Variants in UGT2A2 observed in about 807,000 individuals in gnomAD.
UGT2A2 encodes UDP glucuronosyltransferase family 2 member A2.
Under a neutral mutation model 50.7 loss-of-function variants are expected in UGT2A2, and 60 were observed. That is an observed-to-expected ratio of 1.18 (90% CI 0.96 to 1.47). The LOEUF (loss-of-function observed/expected upper bound fraction) is 1.47, where lower values mean the gene tolerates loss of function less well. UGT2A2 is among the 40% of genes most tolerant of loss of function. The probability of loss-of-function intolerance (pLI) is 0.00; values close to 1 mark genes in which losing one functional copy is unlikely to be tolerated. For synonymous variants in UGT2A2, 242 were observed against 214.6 expected, an observed-to-expected ratio of 1.13 and a Z score of -1.11; for missense variants, 762 against 634.0, an observed-to-expected ratio of 1.20 and a Z score of -2.17.
rs139303872 is a variant in UGT2A2, at chr4:69,589,587, G to A, written c.1396C>T (p.Arg466Ter). 303 of 1,613,938 alleles carry A rather than the reference G, an allele frequency of 1.9e-4. No homozygotes were observed. In the African/African-American group the frequency reaches 3.4e-3, roughly 18 times the overall value. ...ACAAACTCGATCCAGAAGACTGCTC[G>A]ATCCAGGGGCTTTACAGGTTGATCA... ...HHDQPVKPLD[R>*]AVFWIEFVMR... Residue 466 changes from arginine (R) to a stop codon, truncating the protein, a stop_gained, in exon 6 of 6, where the codon CGA becomes TGA. Coordinates refer to ENST00000604629, the MANE Select transcript of UGT2A2 (RefSeq NM_001105677.2). LOFTEE classifies it high-confidence loss of function.
At chr4:69,633,836 T>G (rs1375415289) in intron 1 of UGT2A2, among the ~76,000 whole-genome samples, 1 of 152,126 alleles carries the variant, frequency 6.6e-6, no homozygotes, top group African/African-American at 2.4e-5. Flanking sequence ...AGTTATGGAT[T>G]GCATTCATGT....
rs750783959 is a variant in UGT2A2 at position 69,599,242 on chromosome 4, C to T, written c.891+4G>A. ...CATAAAATCCTCCACTGTTGTAGAC[C>T]TACCTTAGGTAAAGGTTTGGCAGGT... On this transcript the variant is annotated splice_donor_region_variant and intron_variant, in intron 2 of 5. Coordinates refer to ENST00000604629, the MANE Select transcript of UGT2A2 (RefSeq NM_001105677.2). The T allele has an allele frequency of 2.0e-5, 32 of 1,612,172 alleles. No homozygotes were observed. Among genetic ancestry groups the T allele is most frequent in the Non-Finnish European group, 2.5e-5 (30 of 1,179,470 alleles).
chr4:69,639,350 C>A lies in UGT2A2; in HGVS notation c.291G>T (p.Glu97Asp), dbSNP rs751664982. Residue 97 changes from glutamate to aspartate, a missense_variant, in exon 1 of 6, where the codon GAG (glutamate) becomes GAT (aspartate). By Grantham distance (45) the Glu-to-Asp change is conservative. Coordinates refer to ENST00000604629, the MANE Select transcript of UGT2A2 (RefSeq NM_001105677.2). ...GGTCAATCCACAGCATTATCATATG[C>A]TCAATTAAGGAATCTATATTGCTCT... ...YKKSNIDSLI[E>D]HMIMLWIDHR... is the part of the protein sequence containing the mutation. The A allele has an allele frequency of 3.0e-5, 49 of 1,613,570 alleles. No individual in the cohort carries two copies. The highest frequency in any genetic ancestry group is 3.9e-5 in the Non-Finnish European group (46 of 1,179,756).
intron 1 of UGT2A2, among the ~76,000 whole-genome samples, chr4:69,616,094 A>T (rs1226819448): frequency 6.6e-6 from 1 of 152,014 alleles, no homozygotes; most frequent in African/African-American, 2.4e-5. Context: ...CCTCCAGTTA[A>T]GTCAAATGAA....
chr4:69,639,457 G>C lies in UGT2A2; in HGVS notation c.184C>G (p.Leu62Val), dbSNP rs1358635261. ...LIQRNHNVTV[L>V]ASSATLFINS... ...ATGAATAGAGTTGCTGATGAAGCCA[G>C]TACAGTCACATTGTGATTTCTTTGA... Residue 62 changes from leucine to valine, a missense_variant, in exon 1 of 6, where the codon CTG becomes GTG. By Grantham distance (32) the Leu-to-Val change is conservative (BLOSUM62 1). Transcript: ENST00000604629. The C allele has an allele frequency of 3.1e-6, 5 of 1,613,066 alleles. No individual in the cohort carries two copies. The South Asian group carries it at 5.5e-5, about 18-fold the overall frequency.
At chr4:69,600,758 A>C (rs899089114) in intron 1 of UGT2A2, among the ~76,000 whole-genome samples, 1 of 152,004 alleles carries the variant, frequency 6.6e-6, no homozygotes, top group Non-Finnish European at 1.5e-5. Flanking sequence ...GTTGTTTTGC[A>C]TGATGGGAGC....
intron 1 of UGT2A2, among the ~76,000 whole-genome samples, chr4:69,613,240 G>A (rs898658001): frequency 6.6e-6 from 1 of 151,746 alleles, no homozygotes; most frequent in African/African-American, 2.4e-5. Flanking sequence ...ATAACTAGAA[G>A]TAAACAGATA....
intron 2 of UGT2A2, among the ~76,000 whole-genome samples, chr4:69,599,036 A>T (rs1719098618): frequency 6.6e-6 from 1 of 152,168 alleles, no homozygotes; most frequent in African/African-American, 2.4e-5. Context: ...ACACAGCTTT[A>T]ATCATTTTAT....
intron 1 of UGT2A2, among the ~76,000 whole-genome samples, chr4:69,635,093 C>A (rs1229939281): frequency 6.6e-6 from 1 of 151,194 alleles, no homozygotes; most frequent in African/African-American, 2.4e-5. Flanking sequence ...ATATATACTA[C>A]TATGTACCCA....
chr4:69,623,157 T>C (rs558400308), intron 1 of UGT2A2, among the ~76,000 whole-genome samples: 1 of 151,946 alleles, frequency 6.6e-6, no homozygotes, highest in South Asian at 2.1e-4. Flanking sequence ...CACAAGCTAG[T>C]CCATCCTCTT....
At position 69,615,014 on chromosome 4, in the gene UGT2A2, T is replaced by C. The variant is rs571676841; in HGVS notation, c.743-15620A>G. Among the ~76,000 whole-genome samples, 474 of 151,960 alleles carry C rather than the reference T, an allele frequency of 3.1e-3. 2 individuals are homozygous for C. The highest frequency in any genetic ancestry group is 2.6e-3 in the Non-Finnish European group (177 of 67,916). On this transcript the variant is annotated intron_variant, in intron 1 of 5. Coordinates refer to ENST00000604629, the MANE Select transcript of UGT2A2 (RefSeq NM_001105677.2). ...AAATTGCTACACACTTTTAAACAGC[T>C]ATATCTCATGAGAACTCACTATCAC...
At chr4:69,612,759 C>T (rs888635417) in intron 1 of UGT2A2, among the ~76,000 whole-genome samples, 2 of 151,692 alleles carry the variant, frequency 1.3e-5, no homozygotes, top group African/African-American at 4.8e-5. Flanking sequence ...AATGGAAGAC[C>T]TCAAAGTATA....
At chr4:69,589,735 T>C in intron 5 of UGT2A2, 84 bp from the exon 6 acceptor site, 1 of 1,515,676 alleles carries the variant, frequency 6.6e-7, no homozygotes, top group Non-Finnish European at 8.9e-7. Context: ...ACTTTTGCTC[T>C]ACAAGTTTAA....
intron 1 of UGT2A2, among the ~76,000 whole-genome samples, chr4:69,630,331 C>G (rs1472691031): frequency 6.6e-6 from 1 of 151,966 alleles, no homozygotes; most frequent in African/African-American, 2.4e-5. Flanking sequence ...CCAGATGTGC[C>G]ATGCAGCGTC....
chr4:69,639,418 C>T lies in UGT2A2; in HGVS notation c.223G>A (p.Asp75Asn), dbSNP rs371537243. ...ATCACTTCAAAATTCACAGGAGAATCGGGATTGGAGTTGATGAATAGAGTT... is the reference window on the plus strand; with the variant it reads ...ATCACTTCAAAATTCACAGGAGAATTGGGATTGGAGTTGATGAATAGAGTT... ...SATLFINSNP[D>N]SPVNFEVIPV... The change falls in exon 1 of 6, where the codon GAT becomes AAT. Residue 75 changes from aspartate to asparagine, a missense_variant. By Grantham distance (23) the Asp-to-Asn change is conservative (BLOSUM62 1). Coordinates refer to ENST00000604629, the MANE Select transcript of UGT2A2 (RefSeq NM_001105677.2). 1.3e-5 allele frequency: 21 copies of T among 1,613,102 alleles called. 1 individual carries two copies. The South Asian group carries it at 1.5e-4, about 12-fold the overall frequency.
At chr4:69,635,849 A>AAAAAAAAAAAAAAAAAAGAG (rs772370302) in intron 1 of UGT2A2, 3 of 118,514 alleles carry the variant, frequency 2.5e-5, no homozygotes, top group African/African-American at 1.2e-4. Context: ...AAAAAAAAAA[A>AAAAAAAAAAAAAAAAAAGAG]AGAGAGAGAG....
chr4:69,639,010 C>T lies in UGT2A2; in HGVS notation c.631G>A (p.Asp211Asn). 1 of 1,613,224 alleles carries T rather than the reference C, an allele frequency of 6.2e-7. No homozygotes were observed. Among genetic ancestry groups the T allele is most frequent in the Non-Finnish European group, 8.5e-7 (1 of 1,179,548 alleles). The change falls in exon 1 of 6, where the codon GAC becomes AAC. Residue 211 changes from aspartate (D) to asparagine (N), a missense_variant. Asp to Asn is a conservative substitution (Grantham distance 23). Coordinates refer to ENST00000604629, the MANE Select transcript of UGT2A2 (RefSeq NM_001105677.2). ...ATCCTTTCACCAAAGGTCATCTGGT[C>T]AGTGAGCTCTGATAAGGCTGCCGGT... ...YVPAALSELT[D>N]QMTFGERIKN...
chr4:69,591,140 T>C (rs1420372570), intron 5 of UGT2A2, among the ~76,000 whole-genome samples: 1 of 152,166 alleles, frequency 6.6e-6, no homozygotes, highest in Non-Finnish European at 1.5e-5. Context: ...GTCAATGAAA[T>C]GAATCAAAAT....
At chr4:69,609,836 G>A (rs1367140765) in intron 1 of UGT2A2, among the ~76,000 whole-genome samples, 1 of 152,150 alleles carries the variant, frequency 6.6e-6, no homozygotes, top group African/African-American at 2.4e-5. Flanking sequence ...TTGACAGAAT[G>A]TCATGCTATA....
Sources: allele counts gnomAD v4.1 joint callset (sites outside exome capture counted in the v4.1 genomes callset), GRCh38; gene constraint gnomAD v4.1.1; transcripts MANE v1.5; gene names NCBI Gene and HGNC (gene_info 2026-07-23, HGNC 2026-07-21).